GLRA1: variants seen among roughly 807,000 people sequenced by gnomAD.
GLRA1 encodes glycine receptor subunit alpha-1.
In GLRA1, 37 loss-of-function variants were observed where a neutral mutation model predicts 48.3. The observed-to-expected ratio is 0.77, with a 90% CI of 0.59 to 1.01. GLRA1 has a LOEUF of 1.01. GLRA1 is among the 50% of genes least tolerant of loss of function. The probability of loss-of-function intolerance (pLI) is 0.00; values close to 1 mark genes in which losing one functional copy is unlikely to be tolerated. For missense variants in GLRA1, 427 were observed against 571.0 expected, an observed-to-expected ratio of 0.75 and a Z score of 2.57; for synonymous variants, 196 against 210.7, an observed-to-expected ratio of 0.93 and a Z score of 0.60.
At chr5:151,905,866 T>C (rs1754461623) in intron 1 of GLRA1, among the ~76,000 whole-genome samples, 1 of 152,206 alleles carries the variant, frequency 6.6e-6, no homozygotes, top group Non-Finnish European at 1.5e-5. Context: ...GAGCTCTTAG[T>C]GACAGATTGT....
chr5:151,902,878 C>T (rs556887785), intron 1 of GLRA1, among the ~76,000 whole-genome samples: 1 of 152,146 alleles, frequency 6.6e-6, no homozygotes, highest in South Asian at 2.1e-4. Context: ...ATAATTTATC[C>T]AGGTTCACCT....
intron 1 of GLRA1, among the ~76,000 whole-genome samples, chr5:151,922,791 A>G (rs1160397839): frequency 1.3e-5 from 2 of 152,198 alleles, no homozygotes; most frequent in East Asian, 3.9e-4. Context: ...AGCATTGCAT[A>G]CTGCTCATCA....
At chr5:151,924,277 A>G (rs1275157088) in intron 1 of GLRA1, among the ~76,000 whole-genome samples, 1 of 140,022 alleles carries the variant, frequency 7.1e-6, no homozygotes, top group East Asian at 2.4e-4. Flanking sequence ...CGACTGTCTC[A>G]GACCTCCACG....
intron 1 of GLRA1, among the ~76,000 whole-genome samples, chr5:151,893,319 T>A (rs1428219981): frequency 6.8e-5 from 10 of 147,570 alleles, no homozygotes; most frequent in African/African-American, 2.0e-4. Context: ...TTTCTTTCTT[T>A]CTTTCTTTCT....
At chr5:151,833,749 A>G (rs1213930577) in intron 7 of GLRA1, among the ~76,000 whole-genome samples, 1 of 142,624 alleles carries the variant, frequency 7.0e-6, no homozygotes, top group Non-Finnish European at 1.5e-5. Flanking sequence ...AGGCATGAGC[A>G]ATCGTGTCTG....
intron 1 of GLRA1, among the ~76,000 whole-genome samples, chr5:151,915,980 C>G (rs969241317): frequency 6.6e-6 from 1 of 152,114 alleles, no homozygotes; most frequent in East Asian, 1.9e-4. Context: ...AGGCTTCTTT[C>G]CACCCCTTTT....
rs1166224628 is a variant in GLRA1, at chr5:151,851,613, A to G, written c.698-9T>C. On this transcript the variant is annotated splice_polypyrimidine_tract_variant and intron_variant, in intron 6 of 8. Transcript: ENST00000274576. ...AATGCAGGTGAATTTACCTGCAAGA[A>G]ATTGCAGTGAGAAGGCAGTGTAGCC... The G allele has an allele frequency of 1.2e-5, 19 of 1,595,636 alleles. No individual in the cohort carries two copies. The highest frequency in any genetic ancestry group is 3.3e-4 in the Middle Eastern group (2 of 6,010).
intron 8 of GLRA1, among the ~76,000 whole-genome samples, chr5:151,825,616 T>C (rs1453438471): frequency 6.6e-6 from 1 of 152,152 alleles, no homozygotes; most frequent in Non-Finnish European, 1.5e-5. Flanking sequence ...GGAAATCTGG[T>C]AGTGTACTCT....
At chr5:151,825,966 C>CTT (rs1231846735) in intron 8 of GLRA1, among the ~76,000 whole-genome samples, 1 of 152,158 alleles carries the variant, frequency 6.6e-6, no homozygotes, top group African/African-American at 2.4e-5. Context: ...GGAAACTATT[C>CTT]TTTATGGTGA....
chr5:151,849,167 C>CT (rs762530958), intron 7 of GLRA1: 3,728 of 92,540 alleles, frequency 0.04, 194 homozygotes, highest in African/African-American at 0.13. Context: ...CTTTTCTTTT[C>CT]TTTCTTTCTT....
At chr5:151,887,227 G>A (rs1260140378) in intron 2 of GLRA1, among the ~76,000 whole-genome samples, 1 of 152,174 alleles carries the variant, frequency 6.6e-6, no homozygotes, top group Non-Finnish European at 1.5e-5. Context: ...TTGTCTGAAA[G>A]GCATTGATGG....
At chr5:151,899,507 G>A (rs912129999) in intron 1 of GLRA1, among the ~76,000 whole-genome samples, 13 of 152,202 alleles carry the variant, frequency 8.5e-5, no homozygotes, top group African/African-American at 2.9e-4. Context: ...AAGAGGTGGG[G>A]CTGAGCTGGG....
chr5:151,854,722 A>G (rs1170301109), intron 6 of GLRA1, among the ~76,000 whole-genome samples: 1 of 152,174 alleles, frequency 6.6e-6, no homozygotes, highest in East Asian at 1.9e-4. Flanking sequence ...ATGCCAGTTC[A>G]TCTGTGACAG....
At chr5:151,831,137 A>G (rs1763411642) in intron 7 of GLRA1, among the ~76,000 whole-genome samples, 1 of 152,204 alleles carries the variant, frequency 6.6e-6, no homozygotes, top group African/African-American at 2.4e-5. Flanking sequence ...CTCTTTTCCC[A>G]GTGTCTTTGC....
chr5:151,886,224 C>A (rs1753901390), intron 3 of GLRA1, among the ~76,000 whole-genome samples: 1 of 152,016 alleles, frequency 6.6e-6, no homozygotes. Context: ...CAGAGATAAT[C>A]ATTCTTACAA....
chr5:151,850,175 A>C, intron 7 of GLRA1: 2 of 1,603,564 alleles, frequency 1.2e-6, no homozygotes, highest in South Asian at 2.2e-5. Context: ...GTGTGGGAGC[A>C]GGCAAAGCCC....
chr5:151,890,916 T>TG (rs56868057), intron 2 of GLRA1, among the ~76,000 whole-genome samples: 31,570 of 152,040 alleles, frequency 0.21, 3,827 homozygotes, highest in East Asian at 0.34. Context: ...TCAAGGTAAA[T>TG]GGGGAGAGTG....
Position 151,844,441 on chromosome 5 carries a change from A to T in GLRA1, c.912+6949T>A, listed in dbSNP as rs991267533. On this transcript the variant is annotated intron_variant, in intron 7 of 8. Coordinates refer to ENST00000274576, the MANE Select transcript of GLRA1 (RefSeq NM_000171.4). ...GTTCGAGGCCAGGCTGGCCAACATG[A>T]CAAAACCCCATCTCTACTAAAAATA... Among the ~76,000 whole-genome samples the T allele has an allele frequency of 1.1e-4, 16 of 151,270 alleles. No homozygotes were observed. In the South Asian group the frequency reaches 3.1e-3, roughly 30 times the overall value.
At chr5:151,886,113 C>T (rs188734514) in intron 3 of GLRA1, among the ~76,000 whole-genome samples, 2 of 152,004 alleles carry the variant, frequency 1.3e-5, no homozygotes, top group African/African-American at 4.8e-5. Flanking sequence ...TATCATTACA[C>T]TTATTCATAA....
Sources: allele counts gnomAD v4.1 joint callset (sites outside exome capture counted in the v4.1 genomes callset), GRCh38; gene constraint gnomAD v4.1.1; transcripts MANE v1.5; gene names NCBI Gene and HGNC (gene_info 2026-07-23, HGNC 2026-07-21).